The following HS2ST1 variants were observed in gnomAD, a reference collection of about 807,000 sequenced individuals.
HS2ST1 encodes 2-O-sulfotransferase.
HS2ST1 carries 18 observed loss-of-function variants against 42.9 expected under a neutral mutation model. That is an observed-to-expected ratio of 0.42 (90% CI 0.29 to 0.62). HS2ST1 has a LOEUF of 0.62. Ranked by LOEUF, HS2ST1 falls within the 20% of genes least tolerant of loss-of-function variation. The pLI is 0.21. For synonymous variants in HS2ST1, 146 were observed against 152.9 expected, an observed-to-expected ratio of 0.95 and a Z score of 0.33; for missense variants, 334 against 433.8, an observed-to-expected ratio of 0.77 and a Z score of 2.04.
chr1:87,081,052 A>G (rs1183712318), intron 2 of HS2ST1, among the ~76,000 whole-genome samples: 3 of 152,212 alleles, frequency 2.0e-5, no homozygotes, highest in Non-Finnish European at 4.4e-5. Flanking sequence ...GAGCATCCAG[A>G]TATATAAAGC....
At chr1:86,968,658 C>T (rs559846735) in intron 1 of HS2ST1, among the ~76,000 whole-genome samples, 7 of 152,170 alleles carry the variant, frequency 4.6e-5, no homozygotes, top group African/African-American at 9.6e-5. Context: ...CTCCTACCTC[C>T]GCCTTCCTAA....
At chr1:87,038,046 T>C in intron 1 of HS2ST1, among the ~76,000 whole-genome samples, 2 of 152,228 alleles carry the variant, frequency 1.3e-5, no homozygotes, top group East Asian at 1.9e-4. Context: ...TAATGTACTT[T>C]AACCAATAGT....
intron 1 of HS2ST1, among the ~76,000 whole-genome samples, chr1:87,051,439 C>G (rs1449298165): frequency 2.0e-5 from 3 of 151,816 alleles, no homozygotes; most frequent in East Asian, 3.8e-4. Context: ...GAAAATAAGC[C>G]AAAAATATTA....
intron 2 of HS2ST1, among the ~76,000 whole-genome samples, 167 bp downstream of exon 2, chr1:87,073,339 G>C (rs1042844738): frequency 5.3e-5 from 8 of 152,192 alleles, no homozygotes; most frequent in African/African-American, 1.9e-4. Context: ...TTACTTGACA[G>C]TATTTGACAC....
chr1:87,089,642 A>G (rs1434009968), intron 3 of HS2ST1, among the ~76,000 whole-genome samples: 3 of 151,992 alleles, frequency 2.0e-5, no homozygotes, highest in East Asian at 1.9e-4. Flanking sequence ...AATCATGCCC[A>G]TTATCTGTTA....
intron 1 of HS2ST1, among the ~76,000 whole-genome samples, chr1:87,051,100 A>C (rs1005980687): frequency 7.1e-6 from 1 of 141,830 alleles, no homozygotes; most frequent in Non-Finnish European, 1.5e-5. Context: ...TTTATTAAGC[A>C]AATTTGTGTG....
chr1:87,021,293 T>C (rs1316280048), intron 1 of HS2ST1, among the ~76,000 whole-genome samples: 1 of 152,200 alleles, frequency 6.6e-6, no homozygotes, highest in Non-Finnish European at 1.5e-5. Flanking sequence ...GTTTAGACCT[T>C]GTTCAGAATC....
At chr1:87,087,307 T>G (rs1212679538) in intron 3 of HS2ST1, among the ~76,000 whole-genome samples, 2 of 152,166 alleles carry the variant, frequency 1.3e-5, no homozygotes, top group African/African-American at 2.4e-5. Flanking sequence ...CAGACTCTGC[T>G]AAGTTTTTTA....
intron 1 of HS2ST1, among the ~76,000 whole-genome samples, chr1:86,957,453 A>G (rs1305700498): frequency 6.6e-6 from 1 of 152,202 alleles, no homozygotes; most frequent in African/African-American, 2.4e-5. Flanking sequence ...CAATTGCAAC[A>G]TGTGATGTCT....
Position 87,045,636 on chromosome 1 carries a change from A to T in HS2ST1, c.125-27298A>T, listed in dbSNP as rs186057969. On this transcript the variant is annotated intron_variant, in intron 1 of 6. Coordinates refer to ENST00000370550, the MANE Select transcript of HS2ST1 (RefSeq NM_012262.4). The stretch of plus-strand genomic sequence containing the variant: ...GCAGTGGTCTATTTTTCCTGATAAG[A>T]TCTTCAATCTTTCCAATACTGTCAA... The T allele has an allele frequency of 1.6e-3, 1,211 of 774,460 alleles. 4 individuals are homozygous for T. Among genetic ancestry groups the T allele is most frequent in the South Asian group, 2.7e-3 (198 of 74,260 alleles). 48.0% of individuals were successfully genotyped at this position (774,460 alleles called of 1,614,324 possible). A position where few individuals can be genotyped will look rare whatever the true frequency, so the allele number is the denominator to read the frequency against.
chr1:86,935,050 A>C (rs1386737528), intron 1 of HS2ST1, among the ~76,000 whole-genome samples: 1 of 150,724 alleles, frequency 6.6e-6, no homozygotes, highest in Admixed American at 6.6e-5. Flanking sequence ...CCTTAATGAT[A>C]TTTCCTTTTC....
chr1:86,932,092 T>G (rs1660555903), intron 1 of HS2ST1: 1 of 152,038 alleles, frequency 6.6e-6, no homozygotes, highest in South Asian at 2.1e-4. Flanking sequence ...AAGAGAAATA[T>G]GGATTAAGTT....
At chr1:87,019,878 GTGTGTT>G (rs1649864928) in intron 1 of HS2ST1, among the ~76,000 whole-genome samples, 1 of 152,190 alleles carries the variant, frequency 6.6e-6, no homozygotes, top group Non-Finnish European at 1.5e-5. Flanking sequence ...GTTCTACAGA[GTGTGTT>G]TGTGCTGTCA....
intron 2 of HS2ST1, among the ~76,000 whole-genome samples, chr1:87,078,388 G>T (rs1651598892): frequency 6.6e-6 from 1 of 151,974 alleles, no homozygotes; most frequent in Non-Finnish European, 1.5e-5. Flanking sequence ...TTTCCTTAAG[G>T]TCTCTTCTTA....
At chr1:87,080,882 G>T (rs1459537872) in intron 2 of HS2ST1, among the ~76,000 whole-genome samples, 1 of 152,138 alleles carries the variant, frequency 6.6e-6, no homozygotes, top group African/African-American at 2.4e-5. Context: ...CGTTTAGACA[G>T]CTCTAGCCAG....
rs1054251079 is a variant in HS2ST1 at position 87,109,762 on chromosome 1, G to C, written c.*5066G>C. On this transcript the variant is annotated 3_prime_UTR_variant, in exon 7 of 7. Coordinates refer to ENST00000370550, the MANE Select transcript of HS2ST1 (RefSeq NM_012262.4). The stretch of plus-strand genomic sequence containing the variant: ...AGTGGCTGAACAAAGAGCATGGCTT[G>C]AGAATCAAAGGGATCTGCATTTAGC... 1 of 152,198 alleles carries C rather than the reference G, an allele frequency of 6.6e-6. No homozygotes were observed. Among genetic ancestry groups the C allele is most frequent in the Middle Eastern group, 3.4e-3 (1 of 294 alleles). 9.4% of individuals were successfully genotyped at this position (152,198 alleles called of 1,614,324 possible). A position where few individuals can be genotyped will look rare whatever the true frequency, so the allele number is the denominator to read the frequency against.
intron 1 of HS2ST1, among the ~76,000 whole-genome samples, chr1:87,042,585 C>T (rs1650549169): frequency 6.6e-6 from 1 of 152,096 alleles, no homozygotes; most frequent in Non-Finnish European, 1.5e-5. Context: ...GATATACCTT[C>T]ACTGTGCTAA....
At chr1:87,019,691 AG>A (rs758542357) in intron 1 of HS2ST1, among the ~76,000 whole-genome samples, 1 of 152,202 alleles carries the variant, frequency 6.6e-6, no homozygotes, top group African/African-American at 2.4e-5. Context: ...CATCTGTTCA[AG>A]TACAATAGTG....
chr1:86,978,225 C>A (rs1462435503), intron 1 of HS2ST1, among the ~76,000 whole-genome samples: 1 of 152,170 alleles, frequency 6.6e-6, no homozygotes, highest in Admixed American at 6.5e-5. Context: ...TTCAGAACAT[C>A]TATCTGTCAT....
Sources: allele counts gnomAD v4.1 joint callset (sites outside exome capture counted in the v4.1 genomes callset), GRCh38; gene constraint gnomAD v4.1.1; transcripts MANE v1.5; gene names NCBI Gene and HGNC (gene_info 2026-07-23, HGNC 2026-07-21).